Variants in DTNB observed in about 807,000 individuals in gnomAD.
DTNB encodes DTN-B.
DTNB carries 63 observed loss-of-function variants against 90.7 expected under a neutral mutation model. The ratio of observed to expected loss-of-function variants is 0.69; its 90% CI spans 0.57 to 0.86. The LOEUF is 0.86. DTNB is among the 40% of genes least tolerant of loss of function. The pLI, the probability that DTNB is intolerant of heterozygous loss-of-function variation, is 0.00. For missense variants in DTNB, 744 were observed against 807.1 expected (o/e 0.92, Z 0.95); for synonymous variants, 277 against 286.7 (o/e 0.97, Z 0.34).
intron 5 of DTNB, 103 bp from the exon 6 acceptor site, chr2:25,596,343 A>G (rs2064631571): frequency 7.7e-7 from 1 of 1,292,212 alleles, no homozygotes; most frequent in Non-Finnish European, 1.0e-6. Context: ...TCATTAAAAA[A>G]GTATCATAAA....
At chr2:25,429,360 A>T (rs2053063934) in intron 14 of DTNB, among the ~76,000 whole-genome samples, 1 of 152,104 alleles carries the variant, frequency 6.6e-6, no homozygotes, top group African/African-American at 2.4e-5. Context: ...TCTAGATCCC[A>T]TCTACATTCC....
intron 16 of DTNB, among the ~76,000 whole-genome samples, chr2:25,401,912 T>C (rs958739028): frequency 7.2e-5 from 11 of 152,206 alleles, no homozygotes; most frequent in African/African-American, 2.4e-4. Context: ...TTTGCTGCCG[T>C]GTATTTAAAT....
chr2:25,441,476 G>A (rs1288306029), intron 12 of DTNB, among the ~76,000 whole-genome samples: 2 of 152,168 alleles, frequency 1.3e-5, no homozygotes, highest in African/African-American at 2.4e-5. Context: ...TATATAACTT[G>A]TTTGGTAAAG....
At chr2:25,414,566 G>C (rs549954846) in intron 16 of DTNB, among the ~76,000 whole-genome samples, 3 of 152,222 alleles carry the variant, frequency 2.0e-5, no homozygotes, top group East Asian at 3.9e-4. Flanking sequence ...GATTCTTTTT[G>C]ATAAAGGATA....
chr2:25,607,417 C>T (rs775466275), intron 4 of DTNB, 96 bp from the exon 5 acceptor site: 102 of 1,131,110 alleles, frequency 9.0e-5, no homozygotes, highest in Non-Finnish European at 1.2e-4. Context: ...AAGTTGATTC[C>T]TGACCTTGTC....
intron 11 of DTNB, 63 bp downstream of exon 11, chr2:25,455,342 T>C: frequency 6.8e-7 from 1 of 1,471,886 alleles, no homozygotes; most frequent in Non-Finnish European, 9.1e-7. Context: ...CAACCCCAGG[T>C]AGCAAAGCTC....
intron 8 of DTNB, among the ~76,000 whole-genome samples, chr2:25,566,411 T>C: frequency 6.6e-6 from 1 of 152,320 alleles, no homozygotes; most frequent in East Asian, 1.9e-4. Context: ...AGCCTGGACT[T>C]CTGACTTACA....
chr2:25,540,407 A>G (rs1450365892), intron 8 of DTNB, among the ~76,000 whole-genome samples: 1 of 152,174 alleles, frequency 6.6e-6, no homozygotes, highest in Non-Finnish European at 1.5e-5. Context: ...TGTATACAGC[A>G]GCCCTGCTCT....
At chr2:25,411,220 G>A (rs1454003828) in intron 16 of DTNB, among the ~76,000 whole-genome samples, 4 of 151,998 alleles carry the variant, frequency 2.6e-5, no homozygotes, top group East Asian at 3.9e-4. Context: ...TTAGCTGGGC[G>A]TGGTGGCGTG....
At chr2:25,461,140 G>A (rs375940953) in intron 10 of DTNB, among the ~76,000 whole-genome samples, 148 of 152,338 alleles carry the variant, frequency 9.7e-4, no homozygotes, top group African/African-American at 3.4e-3. Flanking sequence ...CCGACCTTAG[G>A]TGATCCGCCC....
At chr2:25,393,225 C>T (rs564732679) in intron 16 of DTNB, among the ~76,000 whole-genome samples, 1 of 152,286 alleles carries the variant, frequency 6.6e-6, no homozygotes, top group South Asian at 2.1e-4. Context: ...ATAGAAGGGA[C>T]ATACCTTAAT....
At chr2:25,660,347 T>C (rs1380566072) in intron 1 of DTNB, among the ~76,000 whole-genome samples, 1 of 152,208 alleles carries the variant, frequency 6.6e-6, no homozygotes, top group East Asian at 1.9e-4. Context: ...TATTATATGA[T>C]TCCAGTTCTA....
At chr2:25,602,484 G>C (rs373034566) in intron 5 of DTNB, among the ~76,000 whole-genome samples, 10 of 152,150 alleles carry the variant, frequency 6.6e-5, no homozygotes, top group African/African-American at 2.4e-4. Context: ...TGCAGCCATG[G>C]GTGGTTAAAA....
chr2:25,517,699 C>A (rs2075364382), intron 9 of DTNB, among the ~76,000 whole-genome samples: 1 of 152,168 alleles, frequency 6.6e-6, no homozygotes, highest in African/African-American at 2.4e-5. Context: ...TACAAAAGAA[C>A]TGAAAGCAGG....
chr2:25,507,380 C>G (rs1300654599), intron 9 of DTNB, among the ~76,000 whole-genome samples: 1 of 152,174 alleles, frequency 6.6e-6, no homozygotes, highest in Non-Finnish European at 1.5e-5. Context: ...AACTCCCTAT[C>G]TGACACCTCC....
chr2:25,444,540 A>C (rs2058091158), intron 12 of DTNB, among the ~76,000 whole-genome samples: 1 of 151,868 alleles, frequency 6.6e-6, no homozygotes, highest in Admixed American at 6.6e-5. Flanking sequence ...ATCTCAAAAA[A>C]AAAAAAAAAA....
intron 10 of DTNB, among the ~76,000 whole-genome samples, chr2:25,466,097 G>A (rs1481078157): frequency 3.3e-5 from 5 of 152,196 alleles, no homozygotes; most frequent in Middle Eastern, 3.2e-3. Context: ...CACTTTGGGA[G>A]GCTAAGGAGT....
At chr2:25,669,788 T>C (rs1270372593) in intron 1 of DTNB, among the ~76,000 whole-genome samples, 1 of 151,918 alleles carries the variant, frequency 6.6e-6, no homozygotes, top group Non-Finnish European at 1.5e-5. Context: ...AGACTGCATC[T>C]CTACAAAAAA....
In DTNB at chr2:25,607,187, A is replaced by G. The variant is rs78916084; in HGVS notation, c.448+49T>C. On this transcript the variant is annotated intron_variant, in intron 5 of 20. Transcript: ENST00000406818. The stretch of plus-strand genomic sequence containing the variant: ...CAAAATTCTGACAATATTCATTTAA[A>G]AGTCCTAATTTGAAAATGGCATTTT... 17 of 1,527,136 alleles carry G rather than the reference A, an allele frequency of 1.1e-5. 1 individual carries two copies. The highest frequency in any genetic ancestry group is 9.7e-5 in the East Asian group (4 of 41,262). The allele number at this position is 1,527,136 out of a possible 1,614,324, so 94.6% of individuals were successfully genotyped here.
Sources: gnomAD v4.1 joint callset for allele counts (sites outside exome capture counted in the v4.1 genomes callset) on GRCh38, gnomAD v4.1.1 for gene constraint, MANE v1.5 for transcripts, NCBI Gene and HGNC (gene_info 2026-07-23, HGNC 2026-07-21) for gene names.